The following SUGCT variants were observed in gnomAD, a reference collection of about 807,000 sequenced individuals.
The protein encoded by SUGCT is succinyl-CoA:glutarate CoA-transferase.
In SUGCT, 41 loss-of-function variants were observed where a neutral mutation model predicts 55.0. That is an observed-to-expected ratio of 0.74 (90% CI 0.58 to 0.97). SUGCT has a LOEUF of 0.97. SUGCT is among the 50% of genes least tolerant of loss of function. SUGCT has a pLI of 0.00. For missense variants in SUGCT, 568 were observed against 547.8 expected (o/e 1.04, Z -0.37); for synonymous variants, 187 against 200.4 (o/e 0.93, Z 0.56).
At chr7:40,882,273 T>G in the SUGCT span, among the ~76,000 whole-genome samples, 4 of 152,218 alleles carry the variant, frequency 2.6e-5, no homozygotes, top group Admixed American at 2.0e-4. Flanking sequence ...TAAAGCTCTG[T>G]TTACTTCTAT....
chr7:40,448,877 T>TATAC (rs753343945), intron 9 of SUGCT, among the ~76,000 whole-genome samples: 17 of 151,922 alleles, frequency 1.1e-4, no homozygotes, highest in African/African-American at 3.1e-4. Context: ...CACACTCATA[T>TATAC]ATACATACAT....
At chr7:40,620,270 C>T (rs1316548461) in intron 12 of SUGCT, among the ~76,000 whole-genome samples, 2 of 152,334 alleles carry the variant, frequency 1.3e-5, no homozygotes, top group East Asian at 1.9e-4. Flanking sequence ...TTTACCAGCA[C>T]AGCACTTGTT....
intron 13 of SUGCT, among the ~76,000 whole-genome samples, chr7:40,752,702 G>C (rs570111609): frequency 1.2e-4 from 18 of 152,246 alleles, no homozygotes; most frequent in Non-Finnish European, 2.2e-4. Flanking sequence ...AAATACATGT[G>C]ACCCTTTCTG....
intron 9 of SUGCT, among the ~76,000 whole-genome samples, chr7:40,407,972 G>A (rs1254402091): frequency 6.6e-6 from 1 of 151,976 alleles, no homozygotes; most frequent in African/African-American, 2.4e-5. Context: ...ATGGTTTATT[G>A]ATTTCGATGC....
the SUGCT span, among the ~76,000 whole-genome samples, chr7:40,941,818 A>G: frequency 1.3e-3 from 196 of 152,220 alleles, no homozygotes; most frequent in African/African-American, 4.6e-3. Flanking sequence ...ATTGTTATAT[A>G]ATGACCTTTT....
chr7:40,735,958 A>G (rs185071747), intron 12 of SUGCT, among the ~76,000 whole-genome samples: 20 of 152,024 alleles, frequency 1.3e-4, no homozygotes, highest in Non-Finnish European at 2.6e-4. Context: ...AAGCACTTAG[A>G]AAAACAGAAT....
At position 40,492,019 on chromosome 7, in the gene SUGCT, T is replaced by C. The variant is rs529122738; in HGVS notation, c.987-4265T>C. On this transcript the variant is annotated intron_variant, in intron 11 of 13. Coordinates refer to ENST00000335693, the MANE Select transcript of SUGCT (RefSeq NM_001193313.2). The stretch of plus-strand genomic sequence containing the variant: ...AATAAATAAATAAATAAATAAATAA[T>C]AATCTAGGAAACCAAGGGAGAATGG... Among the ~76,000 whole-genome samples the C allele has an allele frequency of 3.0e-5, 4 of 132,602 alleles. No individual in the cohort carries two copies. The South Asian group carries it at 8.7e-4, about 29-fold the overall frequency. 87.0% of individuals were successfully genotyped at this position (132,602 alleles called of 152,430 possible). A position where few individuals can be genotyped will look rare whatever the true frequency, so the allele number is the denominator to read the frequency against.
At chr7:40,953,502 C>A in the SUGCT span, among the ~76,000 whole-genome samples, 5 of 152,240 alleles carry the variant, frequency 3.3e-5, no homozygotes, top group East Asian at 1.9e-4. Context: ...TGAGGAACTG[C>A]GTTCCTTTGG....
chr7:40,625,812 T>C (rs61107746), intron 12 of SUGCT, among the ~76,000 whole-genome samples: 39,089 of 151,992 alleles, frequency 0.26, 6,983 homozygotes, highest in African/African-American at 0.51. Flanking sequence ...AAACCCTCAC[T>C]GTAGAACAGT....
chr7:40,847,441 G>T lies in SUGCT; in HGVS notation c.1154-12875G>T, dbSNP rs1406585148. Among the ~76,000 whole-genome samples the T allele has an allele frequency of 7.3e-5, 9 of 123,740 alleles. 1 individual carries two copies. The highest frequency in any genetic ancestry group is 1.4e-4 in the Non-Finnish European group (9 of 62,544). The allele number at this position is 123,740 out of a possible 152,430, so 81.2% of individuals were successfully genotyped here. The stretch of plus-strand genomic sequence containing the variant: ...TTTTTTTTTTTTTTTTTTTGAGATG[G>T]AGTCTCACTTTATCACCCATGCTGG... On this transcript the variant is annotated intron_variant, in intron 13 of 13. Transcript: ENST00000335693.
chr7:40,309,670 C>T (rs911881523), intron 8 of SUGCT, among the ~76,000 whole-genome samples: 12 of 152,042 alleles, frequency 7.9e-5, no homozygotes, highest in African/African-American at 2.7e-4. Flanking sequence ...GCTCTTTACC[C>T]TAAAACTCCT....
chr7:40,244,824 A>T (rs1196884373), intron 7 of SUGCT, among the ~76,000 whole-genome samples: 1 of 152,106 alleles, frequency 6.6e-6, no homozygotes, highest in East Asian at 1.9e-4. Flanking sequence ...ACAAACCAGG[A>T]CAGTTTTGAG....
chr7:40,922,540 A>C, the SUGCT span, among the ~76,000 whole-genome samples: 1 of 152,208 alleles, frequency 6.6e-6, no homozygotes, highest in Non-Finnish European at 1.5e-5. Flanking sequence ...AACTGACATC[A>C]CATGCATACT....
At chr7:40,500,151 T>C (rs1792200730) in intron 12 of SUGCT, among the ~76,000 whole-genome samples, 1 of 152,224 alleles carries the variant, frequency 6.6e-6, no homozygotes, top group Non-Finnish European at 1.5e-5. Flanking sequence ...ATTAAACTGC[T>C]CAATTAAAAA....
intron 9 of SUGCT, among the ~76,000 whole-genome samples, chr7:40,421,428 CA>C (rs1305530355): frequency 6.6e-6 from 1 of 152,208 alleles, no homozygotes; most frequent in Non-Finnish European, 1.5e-5. Context: ...GCGTCCTGGA[CA>C]GGCTCCTGGA....
At chr7:40,269,053 TCA>T (rs1791812169) in intron 7 of SUGCT, among the ~76,000 whole-genome samples, 1 of 152,218 alleles carries the variant, frequency 6.6e-6, no homozygotes, top group Admixed American at 6.5e-5. Flanking sequence ...CTACCGCATT[TCA>T]CAGTCCCACC....
rs191244974 is a variant in SUGCT, at chr7:40,386,100, C to G, written c.817-63187C>G. On this transcript the variant is annotated intron_variant, in intron 9 of 13. Transcript: ENST00000335693. ...GAAGGATGGCCTGGTTTCGTCTTCA[C>G]TGTACTAGGACACAGATGCAATCTG... 9.8e-5 allele frequency among the ~76,000 whole-genome samples: 15 copies of G among 152,302 alleles called. No homozygotes were observed. In the East Asian group the frequency reaches 2.9e-3, roughly 29 times the overall value.
chr7:40,261,523 C>T (rs1246110596), intron 7 of SUGCT, among the ~76,000 whole-genome samples: 1 of 152,136 alleles, frequency 6.6e-6, no homozygotes, highest in Non-Finnish European at 1.5e-5. Context: ...TGTAGACAAA[C>T]ACGGAGGAAA....
At position 40,267,437 on chromosome 7, in the gene SUGCT, A is replaced by G. The variant is rs191550199; in HGVS notation, c.577-7076A>G. ...AAAGTCTGTATATGAGTTTAAGTCC[A>G]CTTCTAATAAATTATGGTGAGATTC... On this transcript the variant is annotated intron_variant, in intron 7 of 13. Coordinates refer to ENST00000335693, the MANE Select transcript of SUGCT (RefSeq NM_001193313.2). Among the ~76,000 whole-genome samples, 615 of 152,232 alleles carry G rather than the reference A, an allele frequency of 4.0e-3. 3 individuals are homozygous for G. Among genetic ancestry groups the G allele is most frequent in the Non-Finnish European group, 6.9e-3 (466 of 68,022 alleles).
Sources: allele counts gnomAD v4.1 joint callset (sites outside exome capture counted in the v4.1 genomes callset), GRCh38; gene constraint gnomAD v4.1.1; transcripts MANE v1.5; gene names NCBI Gene and HGNC (gene_info 2026-07-23, HGNC 2026-07-21).